The following NCOA2 variants were observed in gnomAD, a reference collection of about 807,000 sequenced individuals.
The protein encoded by NCOA2 is class E basic helix-loop-helix protein 75.
In NCOA2, 21 loss-of-function variants were observed where a neutral mutation model predicts 145.1. That is an observed-to-expected ratio of 0.14 (90% confidence interval 0.10 to 0.21). The LOEUF (loss-of-function observed/expected upper bound fraction) is 0.21. NCOA2 is among the 10% of genes least tolerant of loss of function. The probability of loss-of-function intolerance (pLI) is 1.00; values close to 1 mark genes in which losing one functional copy is unlikely to be tolerated. For synonymous variants in NCOA2, 619 were observed against 637.5 expected, an observed-to-expected ratio of 0.97 and a Z score of 0.44; for missense variants, 1,472 against 1,837.6, an observed-to-expected ratio of 0.80 and a Z score of 3.64.
At chr8:70,221,403 C>G (rs1297312960) in intron 2 of NCOA2, among the ~76,000 whole-genome samples, 3 of 152,158 alleles carry the variant, frequency 2.0e-5, no homozygotes, top group Non-Finnish European at 4.4e-5. Flanking sequence ...GTTTCTCCTT[C>G]AAAGTACACT....
chr8:70,360,507 T>C (rs1810105073), intron 1 of NCOA2, among the ~76,000 whole-genome samples: 1 of 152,196 alleles, frequency 6.6e-6, no homozygotes, highest in South Asian at 2.1e-4. Flanking sequence ...AAAGAGGTCA[T>C]TGGAAGATTT....
chr8:70,310,062 T>TG (rs1270558557), intron 1 of NCOA2, among the ~76,000 whole-genome samples: 1 of 151,978 alleles, frequency 6.6e-6, no homozygotes, highest in African/African-American at 2.4e-5. Flanking sequence ...CCAGGCGCAG[T>TG]GGCTCATACC....
At position 70,403,724 on chromosome 8, in the gene NCOA2, G is replaced by A. The variant is rs948304524; in HGVS notation, c.-101C>T. The A allele has an allele frequency of 1.3e-5, 5 of 396,834 alleles. No individual in the cohort carries two copies. Among genetic ancestry groups the A allele is most frequent in the South Asian group, 1.3e-4 (1 of 7,858 alleles). The allele number at this position is 396,834 out of a possible 1,614,324, so 24.6% of individuals were successfully genotyped here. The stretch of plus-strand genomic sequence containing the variant: ...CCGGCTCGGGTCGGTCACGCCGTCA[G>A]GTGCCGGCTGCCGTCGGCGCTGACC... On this transcript the variant is annotated 5_prime_UTR_variant, in exon 1 of 23. Transcript: ENST00000452400.
intron 15 of NCOA2, among the ~76,000 whole-genome samples, chr8:70,134,557 T>C (rs1290272761): frequency 1.3e-5 from 2 of 152,214 alleles, no homozygotes; most frequent in Non-Finnish European, 2.9e-5. Flanking sequence ...TGAAATCTAA[T>C]GCGTGCAGGC....
intron 9 of NCOA2, among the ~76,000 whole-genome samples, chr8:70,160,681 G>GAGAGAGAGAGAGAGAGAA (rs58267843): frequency 7.0e-6 from 1 of 143,858 alleles, no homozygotes; most frequent in African/African-American, 2.8e-5. Context: ...GAGAGAGAGA[G>GAGAGAGAGAGAGAGAGAA]GGAGAGAGAG....
intron 9 of NCOA2, among the ~76,000 whole-genome samples, chr8:70,161,403 T>C (rs1313584438): frequency 2.0e-5 from 3 of 152,226 alleles, no homozygotes; most frequent in Admixed American, 1.3e-4. Context: ...TCTGTCAATG[T>C]AGCATCATTA....
At chr8:70,179,351 G>A (rs1486222683) in intron 4 of NCOA2, among the ~76,000 whole-genome samples, 1 of 152,148 alleles carries the variant, frequency 6.6e-6, no homozygotes, top group East Asian at 1.9e-4. Context: ...TGTTATTTGG[G>A]TACTTTTCAT....
At chr8:70,137,432 G>T (rs1809860026) in intron 15 of NCOA2, among the ~76,000 whole-genome samples, 1 of 152,166 alleles carries the variant, frequency 6.6e-6, no homozygotes, top group Non-Finnish European at 1.5e-5. Flanking sequence ...ACTAATCTTT[G>T]ACATTTCATC....
intron 1 of NCOA2, among the ~76,000 whole-genome samples, chr8:70,369,944 C>A (rs1243108098): frequency 2.0e-5 from 3 of 151,996 alleles, no homozygotes; most frequent in Non-Finnish European, 2.9e-5. Context: ...TTCTGTCGCC[C>A]AGGCTGGAGT....
intron 1 of NCOA2, among the ~76,000 whole-genome samples, chr8:70,323,544 A>G (rs1337221395): frequency 1.3e-5 from 2 of 152,186 alleles, no homozygotes; most frequent in Admixed American, 1.3e-4. Context: ...TAACAGCCTA[A>G]TCTGGAAATT....
At chr8:70,434,536 G>A in the NCOA2 span, among the ~76,000 whole-genome samples, 1 of 152,230 alleles carries the variant, frequency 6.6e-6, no homozygotes, top group Admixed American at 6.5e-5. Flanking sequence ...AAACTTTAGC[G>A]TAGTGTTTCT....
the NCOA2 span, among the ~76,000 whole-genome samples, chr8:70,412,984 G>C: frequency 3.3e-5 from 5 of 151,532 alleles, no homozygotes; most frequent in East Asian, 9.8e-4. Flanking sequence ...TGTAATCCCA[G>C]CTACTTGGGA....
rs528741912 is a variant in NCOA2, at chr8:70,378,248, A to G, written c.-77+25452T>C. On this transcript the variant is annotated intron_variant, in intron 1 of 22. Coordinates refer to ENST00000452400, the MANE Select transcript of NCOA2 (RefSeq NM_006540.4). ...TGCATGAAGCCAGGAGTCTGAGACC[A>G]GCCTGGCAACATAGTGAGACCCCAT... Among the ~76,000 whole-genome samples the G allele has an allele frequency of 6.1e-4, 93 of 152,334 alleles. 1 individual carries two copies. The South Asian group carries it at 0.019, about 31-fold the overall frequency.
chr8:70,138,725 A>G (rs1810033494), intron 14 of NCOA2, among the ~76,000 whole-genome samples: 1 of 152,270 alleles, frequency 6.6e-6, no homozygotes, highest in Non-Finnish European at 1.5e-5. Flanking sequence ...GATCCAAGTA[A>G]GTGGAAGAAA....
the NCOA2 span, among the ~76,000 whole-genome samples, chr8:70,411,224 A>G: frequency 6.6e-6 from 1 of 152,312 alleles, no homozygotes; most frequent in South Asian, 2.1e-4. Flanking sequence ...AGAATTGCAA[A>G]TAGTATGCCC....
chr8:70,110,308 A>G lies in NCOA2; in HGVS notation c.*3324T>C, dbSNP rs1179732440. The G allele has an allele frequency of 1.5e-5, 3 of 196,866 alleles. No homozygotes were observed. Among genetic ancestry groups the G allele is most frequent in the African/African-American group, 6.9e-5 (3 of 43,346 alleles). 12.2% of individuals were successfully genotyped at this position (196,866 alleles called of 1,614,324 possible). On this transcript the variant is annotated 3_prime_UTR_variant, in exon 23 of 23. Coordinates refer to ENST00000452400, the MANE Select transcript of NCOA2 (RefSeq NM_006540.4). ...AATATAATACATCGGACAGCTATGT[A>G]GGAATATACAAGACTTAAAAACAGA...
At chr8:70,232,588 T>C (rs1821231519) in intron 2 of NCOA2, among the ~76,000 whole-genome samples, 1 of 152,186 alleles carries the variant, frequency 6.6e-6, no homozygotes. Flanking sequence ...TCAGAGAATG[T>C]GTGATCCTTC....
chr8:70,167,259 A>G lies in NCOA2; in HGVS notation c.542-505T>C, dbSNP rs534819261. On this transcript the variant is annotated intron_variant, in intron 6 of 22. Coordinates refer to ENST00000452400, the MANE Select transcript of NCOA2 (RefSeq NM_006540.4). Reference sequence around the variant, plus strand: ...CTTTCAGAGGATTTAGACTTGATGTAGTCTGGAGGATGAAGTCCATTAACA... The same window carrying G: ...CTTTCAGAGGATTTAGACTTGATGTGGTCTGGAGGATGAAGTCCATTAACA... Among the ~76,000 whole-genome samples, 22 of 152,344 alleles carry G rather than the reference A, an allele frequency of 1.4e-4. 1 individual carries two copies. In the South Asian group the frequency reaches 3.5e-3, roughly 24 times the overall value.
At chr8:70,406,622 G>A (rs1380460249), upstream of NCOA2, among the ~76,000 whole-genome samples, 3 of 152,170 alleles carry the variant, frequency 2.0e-5, no homozygotes, top group African/African-American at 7.2e-5. Context: ...CACCAAAAAT[G>A]TCAGCAGAAT....
Sources: gnomAD v4.1 joint callset for allele counts (sites outside exome capture counted in the v4.1 genomes callset) on GRCh38, gnomAD v4.1.1 for gene constraint, MANE v1.5 for transcripts, NCBI Gene and HGNC (gene_info 2026-07-23, HGNC 2026-07-21) for gene names.